Variants in WDTC1 observed in about 807,000 individuals in gnomAD.
The protein encoded by WDTC1 is WD and tetratricopeptide repeats protein 1.
In WDTC1, 12 loss-of-function variants were observed where a neutral mutation model predicts 76.0. That is an observed-to-expected ratio of 0.16 (90% CI 0.10 to 0.26). The LOEUF is 0.26. Ranked by LOEUF, WDTC1 falls within the 10% of genes least tolerant of loss-of-function variation. The probability of loss-of-function intolerance (pLI) is 1.00; values close to 1 mark genes in which losing one functional copy is unlikely to be tolerated. For synonymous variants in WDTC1, 326 were observed against 350.8 expected, an observed-to-expected ratio of 0.93 and a Z score of 0.79; for missense variants, 511 against 908.8, an observed-to-expected ratio of 0.56 and a Z score of 5.63.
chr1:27,262,160 C>T (rs890548905), intron 2 of WDTC1, among the ~76,000 whole-genome samples: 6 of 151,954 alleles, frequency 3.9e-5, no homozygotes, highest in Non-Finnish European at 7.4e-5. Flanking sequence ...GATCTCCTGA[C>T]CTCGTGATCC....
At chr1:27,264,548 T>G (rs2012595535) in intron 3 of WDTC1, among the ~76,000 whole-genome samples, 1 of 152,206 alleles carries the variant, frequency 6.6e-6, no homozygotes, top group Non-Finnish European at 1.5e-5. Context: ...AAATTCAGCT[T>G]TTTCATTGTG....
chr1:27,260,762 G>A (rs990981078), intron 1 of WDTC1, among the ~76,000 whole-genome samples, 194 bp from the exon 2 acceptor site: 3 of 152,164 alleles, frequency 2.0e-5, no homozygotes, highest in African/African-American at 7.2e-5. Flanking sequence ...TGCTTGTTGG[G>A]ATGTGCTACT....
chr1:27,257,023 C>T (rs373296987), intron 1 of WDTC1, among the ~76,000 whole-genome samples: 2 of 151,954 alleles, frequency 1.3e-5, no homozygotes, highest in Non-Finnish European at 2.9e-5. Context: ...CCACCACGCC[C>T]GGCTAATTTT....
intron 1 of WDTC1, among the ~76,000 whole-genome samples, chr1:27,239,738 C>A (rs558210794): frequency 1.1e-4 from 15 of 142,414 alleles, no homozygotes; most frequent in African/African-American, 3.6e-4. Context: ...TTGCTTGAAC[C>A]TGGGACGCAG....
At chr1:27,296,216 C>A in intron 9 of WDTC1, 110 bp from the exon 10 acceptor site, 1 of 1,262,502 alleles carries the variant, frequency 7.9e-7, no homozygotes. Flanking sequence ...ATGCTCAACA[C>A]TCACTGTGTT....
At chr1:27,282,133 G>A (rs1164187068) in intron 3 of WDTC1, 106 bp from the exon 4 acceptor site, 7 of 1,119,504 alleles carry the variant, frequency 6.3e-6, no homozygotes, top group Non-Finnish European at 9.3e-6. Flanking sequence ...GGAAAATATT[G>A]AAAATGGAAA....
At chr1:27,249,978 A>G (rs893583315) in intron 1 of WDTC1, among the ~76,000 whole-genome samples, 2 of 152,142 alleles carry the variant, frequency 1.3e-5, no homozygotes, top group Non-Finnish European at 1.5e-5. Context: ...AACAGGTGAT[A>G]AAGACATCCT....
At chr1:27,282,592 T>C (rs2013218450) in intron 4 of WDTC1, among the ~76,000 whole-genome samples, 1 of 152,110 alleles carries the variant, frequency 6.6e-6, no homozygotes, top group African/African-American at 2.4e-5. Context: ...AACCTCCGCC[T>C]TTCAGGTTCA....
chr1:27,293,396 C>T (rs544127401), intron 7 of WDTC1, among the ~76,000 whole-genome samples: 2 of 143,704 alleles, frequency 1.4e-5, no homozygotes, highest in Non-Finnish European at 3.0e-5. Flanking sequence ...CCTGCCACTG[C>T]ACTCCAGCCT....
At chr1:27,253,011 T>A (rs1363272505) in intron 1 of WDTC1, among the ~76,000 whole-genome samples, 2 of 142,012 alleles carry the variant, frequency 1.4e-5, no homozygotes, top group African/African-American at 5.0e-5. Context: ...TTTCTGATTT[T>A]TTTTTTTTTT....
intron 3 of WDTC1, among the ~76,000 whole-genome samples, chr1:27,273,577 C>T (rs927238570): frequency 6.6e-6 from 1 of 151,948 alleles, no homozygotes; most frequent in Non-Finnish European, 1.5e-5. Flanking sequence ...GGATTGGATT[C>T]TGAATGAGGA....
rs528766543 is a variant in WDTC1, at chr1:27,291,629, A to G, written c.480-586A>G. Among the ~76,000 whole-genome samples, 4 of 152,258 alleles carry G rather than the reference A, an allele frequency of 2.6e-5. No homozygotes were observed. The South Asian group carries it at 8.3e-4, about 32-fold the overall frequency. ...TTTTGGCATTACCTTTACTGCGTGGATGAGACTTTTAGGCTTGCCTTGGCC... is the reference window on the plus strand; with the variant it reads ...TTTTGGCATTACCTTTACTGCGTGGGTGAGACTTTTAGGCTTGCCTTGGCC... On this transcript the variant is annotated intron_variant, in intron 6 of 15. Coordinates refer to ENST00000319394, the MANE Select transcript of WDTC1 (RefSeq NM_001276252.2).
intron 3 of WDTC1, among the ~76,000 whole-genome samples, chr1:27,269,944 TTGTTG>T (rs753914085): frequency 2.2e-4 from 33 of 149,722 alleles, no homozygotes; most frequent in Non-Finnish European, 3.9e-4. Flanking sequence ...GTTGTTGTTG[TTGTTG>T]TTTTTGAGAC....
At chr1:27,283,494 C>G (rs1180772022) in intron 5 of WDTC1, 45 bp downstream of exon 5, 2 of 1,586,500 alleles carry the variant, frequency 1.3e-6, no homozygotes, top group Non-Finnish European at 1.7e-6. Flanking sequence ...ACAGATCAAG[C>G]ACAAGAGTGA....
intron 1 of WDTC1, among the ~76,000 whole-genome samples, chr1:27,256,521 C>T (rs753205258): frequency 3.3e-5 from 5 of 152,214 alleles, no homozygotes; most frequent in Admixed American, 1.3e-4. Flanking sequence ...CCAGAAAATT[C>T]GACAAATGTC....
intron 6 of WDTC1, among the ~76,000 whole-genome samples, chr1:27,289,422 C>A (rs1467150394): frequency 6.8e-6 from 1 of 146,420 alleles, no homozygotes; most frequent in Non-Finnish European, 1.5e-5. Flanking sequence ...ACATCTCAGA[C>A]GATGGGCGGC....
intron 6 of WDTC1, among the ~76,000 whole-genome samples, chr1:27,288,989 C>G (rs1470894665): frequency 7.0e-6 from 1 of 142,142 alleles, no homozygotes; most frequent in Non-Finnish European, 1.5e-5. Context: ...GCTGACCCCC[C>G]CCCCACCTCC....
intron 5 of WDTC1, among the ~76,000 whole-genome samples, chr1:27,286,212 A>G (rs2013331464): frequency 6.6e-6 from 1 of 151,512 alleles, no homozygotes; most frequent in Middle Eastern, 3.2e-3. Flanking sequence ...CATGTTGGCC[A>G]GGGTGGTCTC....
Position 27,234,884 on chromosome 1 carries a change from CG to C in WDTC1, c.-166del, listed in dbSNP as rs1399002323. 11 of 395,750 alleles carry C rather than the reference CG, an allele frequency of 2.8e-5. No homozygotes were observed. The highest frequency in any genetic ancestry group is 1.3e-3 in the Middle Eastern group (2 of 1,574). 24.5% of individuals were successfully genotyped at this position (395,750 alleles called of 1,614,324 possible). ...GCGCCCCCCTTCCCGGGAGAGGGGC[CG>C]CCCCCCCCGGACGGACATGGGCTCC... On this transcript the variant is annotated 5_prime_UTR_variant, in exon 1 of 16. Coordinates refer to ENST00000319394, the MANE Select transcript of WDTC1 (RefSeq NM_001276252.2).
Sources: gnomAD v4.1 joint callset for allele counts (sites outside exome capture counted in the v4.1 genomes callset) on GRCh38, gnomAD v4.1.1 for gene constraint, MANE v1.5 for transcripts, NCBI Gene and HGNC (gene_info 2026-07-23, HGNC 2026-07-21) for gene names.